The following WDR33 variants were observed in gnomAD, a reference collection of about 807,000 sequenced individuals.
The protein encoded by WDR33 is WD repeat domain 33, also known as pre-mRNA 3' end processing protein WDR33.
Under a neutral mutation model 164.9 loss-of-function variants are expected in WDR33, and 47 were observed. The ratio of observed to expected loss-of-function variants is 0.29; its 90% CI spans 0.23 to 0.36. WDR33 has a LOEUF of 0.36. WDR33 is among the 10% of genes least tolerant of loss of function. WDR33 has a pLI of 1.00. For missense variants in WDR33, 1,137 were observed against 1,754.1 expected (o/e 0.65, Z 6.28); for synonymous variants, 505 against 589.0 (o/e 0.86, Z 2.06).
At chr2:127,772,072 T>A (rs1352616537) in intron 1 of WDR33, among the ~76,000 whole-genome samples, 1 of 152,050 alleles carries the variant, frequency 6.6e-6, no homozygotes, top group East Asian at 1.9e-4. Flanking sequence ...CAAGAGATCC[T>A]CACACTTTGG....
At chr2:127,765,101 C>G in intron 5 of WDR33, 73 bp downstream of exon 5, 1 of 1,554,926 alleles carries the variant, frequency 6.4e-7, no homozygotes, top group Non-Finnish European at 8.8e-7. Flanking sequence ...TTTAACAATG[C>G]CAATGAAATG....
chr2:127,708,986 C>T lies in WDR33; in HGVS notation c.3566-94G>A. ...TGAGAGTAAGGAGCAACTCGAGAGCCACCGTTCACTCATGCTGAATGCCCG... is the reference window on the plus strand; with the variant it reads ...TGAGAGTAAGGAGCAACTCGAGAGCTACCGTTCACTCATGCTGAATGCCCG... On this transcript the variant is annotated intron_variant, in intron 20 of 21. Coordinates refer to ENST00000322313, the MANE Select transcript of WDR33 (RefSeq NM_018383.5). This position sits in a 1 kb window ranked among gnomAD's most constrained non-coding sequence, Gnocchi z 6.7. The T allele has an allele frequency of 7.6e-7, 1 of 1,320,938 alleles. No individual in the cohort carries two copies. The highest frequency in any genetic ancestry group is 3.1e-5 in the Admixed American group (1 of 31,900). The allele number at this position is 1,320,938 out of a possible 1,614,324, so 81.8% of individuals were successfully genotyped here.
intron 7 of WDR33, among the ~76,000 whole-genome samples, chr2:127,729,152 T>C (rs1452892261): frequency 6.6e-6 from 1 of 152,220 alleles, no homozygotes; most frequent in Non-Finnish European, 1.5e-5. Context: ...AAACGAATAC[T>C]AGCAAGCACA....
intron 18 of WDR33, among the ~76,000 whole-genome samples, chr2:127,711,656 C>T (rs547740776): frequency 1.3e-5 from 2 of 148,612 alleles, no homozygotes; most frequent in East Asian, 3.9e-4. Context: ...CTTCCTTAGC[C>T]CCGACTATGT....
intron 21 of WDR33, among the ~76,000 whole-genome samples, chr2:127,707,014 G>A (rs1255622465): frequency 2.0e-5 from 3 of 152,182 alleles, no homozygotes; most frequent in African/African-American, 4.8e-5. Context: ...GGACTGTCCC[G>A]TGACATGTGG....
rs1685867671 is a variant in WDR33 at position 127,701,139 on chromosome 2, A to G, written c.*5184T>C. ...TCCTCCATGTTGCAAAACTAGCACA[A>G]TATCACCGCCACGGTAGACGCAGTG... On this transcript the variant is annotated 3_prime_UTR_variant, in exon 22 of 22. Coordinates refer to ENST00000322313, the MANE Select transcript of WDR33 (RefSeq NM_018383.5). The G allele has an allele frequency of 6.1e-6, 1 of 163,144 alleles. No individual in the cohort carries two copies. The highest frequency in any genetic ancestry group is 2.4e-5 in the African/African-American group (1 of 41,930). The allele number at this position is 163,144 out of a possible 1,614,324, so 10.1% of individuals were successfully genotyped here.
chr2:127,711,377 A>T (rs1315215974), intron 18 of WDR33, among the ~76,000 whole-genome samples: 1 of 149,842 alleles, frequency 6.7e-6, no homozygotes, highest in Admixed American at 6.7e-5. Flanking sequence ...GTGAGCCGAG[A>T]TCATGCCACT....
intron 1 of WDR33, among the ~76,000 whole-genome samples, chr2:127,783,891 C>T (rs1443920428): frequency 6.6e-6 from 1 of 151,912 alleles, no homozygotes; most frequent in Non-Finnish European, 1.5e-5. Context: ...CAAGAGTGAG[C>T]CACCGCACCT....
chr2:127,804,245 C>T (rs548364108), intron 1 of WDR33, among the ~76,000 whole-genome samples: 7 of 151,882 alleles, frequency 4.6e-5, no homozygotes, highest in East Asian at 1.9e-4. Context: ...GGCGTGAACC[C>T]GGGAGGCGGA....
chr2:127,705,424 TAATTA>T lies in WDR33; in HGVS notation c.*894_*898del, dbSNP rs1449541408. ...TATGGAAGAGGAAGAGAGGAAAACT[TAATTA>T]AGTGTTGCAAAATTGTTTGAGGACC... On this transcript the variant is annotated 3_prime_UTR_variant, in exon 22 of 22. Coordinates refer to ENST00000322313, the MANE Select transcript of WDR33 (RefSeq NM_018383.5). This position sits in a 1 kb window ranked among gnomAD's most constrained non-coding sequence, Gnocchi z 4.5. The T allele has an allele frequency of 6.6e-6, 1 of 150,590 alleles. No homozygotes were observed. Among genetic ancestry groups the T allele is most frequent in the Non-Finnish European group, 1.5e-5 (1 of 67,406 alleles). 9.3% of individuals were successfully genotyped at this position (150,590 alleles called of 1,614,324 possible).
rs1380760880 is a variant in WDR33 at position 127,704,462 on chromosome 2, G to C, written c.*1861C>G. ...GATATGGGTTTGGTCTCTGGATCCG[G>C]TTTTAGCTTCATGAAATTTGATTAC... On this transcript the variant is annotated 3_prime_UTR_variant, in exon 22 of 22. Transcript: ENST00000322313. 1 of 166,994 alleles carries C rather than the reference G, an allele frequency of 6.0e-6. No individual in the cohort carries two copies. The highest frequency in any genetic ancestry group is 2.4e-5 in the African/African-American group (1 of 41,408). The allele number at this position is 166,994 out of a possible 1,614,324, so 10.3% of individuals were successfully genotyped here. A position where few individuals can be genotyped will look rare whatever the true frequency, so the allele number is the denominator to read the frequency against.
chr2:127,737,861 C>T (rs1015979535), intron 7 of WDR33: 7 of 1,399,452 alleles, frequency 5.0e-6, no homozygotes, highest in Non-Finnish European at 6.5e-6. Context: ...AACAAATAAT[C>T]CGTGTCAAAG....
Position 127,720,344 on chromosome 2 carries a change from T to C in WDR33, c.1681A>G (p.Ile561Val). ...TNPQLLEQLK[I>V]ERLAQKQVEQ... ...ACTTGTTTCTGTGCAAGTCTTTCAA[T>C]TTTAAGTTGCTGGAAAGAAAGAAAG... Residue 561 changes from isoleucine to valine, a missense_variant, in exon 16 of 22, where the codon ATT becomes GTT. Physicochemically the swap from Ile to Val is conservative, Grantham distance 29. Around this residue, in one of 9 missense-constraint regions of WDR33, gnomAD observed 867 missense variants for 1,073.0 expected, o/e 0.81. Transcript: ENST00000322313. This position sits in a 1 kb window ranked among gnomAD's most constrained non-coding sequence, Gnocchi z 5.9. 6.7e-7 allele frequency: 1 copy of C among 1,503,400 alleles called. No homozygotes were observed. The allele number at this position is 1,503,400 out of a possible 1,614,324, so 93.1% of individuals were successfully genotyped here.
At chr2:127,752,857 C>A (rs1373678785) in intron 7 of WDR33, among the ~76,000 whole-genome samples, 1 of 152,228 alleles carries the variant, frequency 6.6e-6, no homozygotes, top group African/African-American at 2.4e-5. Context: ...AGCGTGTCAT[C>A]ATTAATTATC....
chr2:127,808,105 G>C (rs1689502153), intron 1 of WDR33, among the ~76,000 whole-genome samples: 1 of 152,174 alleles, frequency 6.6e-6, no homozygotes, highest in Admixed American at 6.5e-5. Context: ...GAGATTGTCA[G>C]TAAATTTCAA....
At chr2:127,801,331 C>G (rs1689233856) in intron 1 of WDR33, among the ~76,000 whole-genome samples, 1 of 151,714 alleles carries the variant, frequency 6.6e-6, no homozygotes, top group Admixed American at 6.6e-5. Context: ...TTGGTAAGAA[C>G]ATGAAGAAAT....
At chr2:127,788,310 T>C (rs1425387026) in intron 1 of WDR33, among the ~76,000 whole-genome samples, 2 of 101,834 alleles carry the variant, frequency 2.0e-5, no homozygotes, top group Non-Finnish European at 4.0e-5. Flanking sequence ...CCCCCCCACC[T>C]CCCTCCCGGA....
At position 127,701,804 on chromosome 2, in the gene WDR33, C is replaced by G. The variant is rs779253574; in HGVS notation, c.*4519G>C. ...TGCTGCTGGCTGCACTGTGTTTCGG[C>G]CTAGCCGCGCTCTACGCACCGGTGT... On this transcript the variant is annotated 3_prime_UTR_variant, in exon 22 of 22. Transcript: ENST00000322313. The G allele has an allele frequency of 2.7e-6, 4 of 1,455,874 alleles. No homozygotes were observed. In the South Asian group the frequency reaches 5.2e-5, roughly 19 times the overall value. 90.2% of individuals were successfully genotyped at this position (1,455,874 alleles called of 1,614,324 possible).
Position 127,724,285 on chromosome 2 carries a change from T to G in WDR33, c.1196+48A>C. ...TAAAAATAAACACATACAGTATTTA[T>G]TTCCTGTTGCTCCATATAAAGCTTT... is the stretch of plus-strand genomic sequence containing the variant. On this transcript the variant is annotated intron_variant, in intron 11 of 21. Coordinates refer to ENST00000322313, the MANE Select transcript of WDR33 (RefSeq NM_018383.5). This position sits in a 1 kb window ranked among gnomAD's most constrained non-coding sequence, Gnocchi z 4.8. 1 of 1,413,148 alleles carries G rather than the reference T, an allele frequency of 7.1e-7. No individual in the cohort carries two copies. The highest frequency in any genetic ancestry group is 1.2e-5 in the South Asian group (1 of 84,592). 87.5% of individuals were successfully genotyped at this position (1,413,148 alleles called of 1,614,324 possible). A position where few individuals can be genotyped will look rare whatever the true frequency, so the allele number is the denominator to read the frequency against.
Sources: allele counts gnomAD v4.1 joint callset (sites outside exome capture counted in the v4.1 genomes callset), GRCh38; gene constraint gnomAD v4.1.1; regional missense constraint gnomAD v4.1.1; non-coding constraint Gnocchi (gnomAD v3.1); transcripts MANE v1.5; gene names NCBI Gene and HGNC (gene_info 2026-07-23, HGNC 2026-07-21).